The following MYRIP variants were observed in gnomAD, a reference collection of about 807,000 sequenced individuals.
MYRIP encodes myosin VIIA and Rab interacting protein.
Under a neutral mutation model 98.0 loss-of-function variants are expected in MYRIP, and 49 were observed. The observed-to-expected ratio is 0.50, with a 90% CI of 0.40 to 0.63. MYRIP has a LOEUF of 0.63. Among genes scored for constraint, MYRIP ranks in the 30% least tolerant of loss-of-function variants. MYRIP has a pLI of 0.00. For synonymous variants in MYRIP, 404 were observed against 409.5 expected (o/e 0.99, Z 0.16); for missense variants, 1,004 against 1,058.2 (o/e 0.95, Z 0.71).
At chr3:40,141,184 G>A (rs997935382) in intron 3 of MYRIP, among the ~76,000 whole-genome samples, 6 of 152,058 alleles carry the variant, frequency 3.9e-5, no homozygotes, top group African/African-American at 1.4e-4. Flanking sequence ...TTCTGTGCCT[G>A]ACTTATTTAC....
At position 40,158,715 on chromosome 3, in the gene MYRIP, T is replaced by A. The variant is rs543883351; in HGVS notation, c.470-4015T>A. 3.3e-5 allele frequency among the ~76,000 whole-genome samples: 5 copies of A among 152,148 alleles called. No individual in the cohort carries two copies. In the East Asian group the frequency reaches 9.7e-4, roughly 29 times the overall value. Reference sequence around the variant, plus strand: ...TGCATAGATATTTAGGATACTTAGCTCTTCTTGTTGAATTGATCCCTTTAC... The same window carrying A: ...TGCATAGATATTTAGGATACTTAGCACTTCTTGTTGAATTGATCCCTTTAC... On this transcript the variant is annotated intron_variant, in intron 4 of 16. Transcript: ENST00000302541.
Position 40,177,710 on chromosome 3 carries a change from T to C in MYRIP, c.874-4510T>C, listed in dbSNP as rs187328287. Among the ~76,000 whole-genome samples, 10 of 152,332 alleles carry C rather than the reference T, an allele frequency of 6.6e-5. No homozygotes were observed. The East Asian group carries it at 1.7e-3, about 27-fold the overall frequency. ...CTAGAAGGCACCAGTGTGGGTGTTA[T>C]AACTCATTTCATGCCTCTTTGGGTG... On this transcript the variant is annotated intron_variant, in intron 8 of 16. Transcript: ENST00000302541.
intron 3 of MYRIP, among the ~76,000 whole-genome samples, chr3:40,098,081 G>A (rs1467360497): frequency 7.2e-5 from 11 of 152,068 alleles, no homozygotes; most frequent in Non-Finnish European, 5.9e-5. Context: ...ATGGATTAGC[G>A]GGTTGGATGA....
chr3:40,010,101 G>A (rs1946728251), intron 2 of MYRIP, among the ~76,000 whole-genome samples: 2 of 152,202 alleles, frequency 1.3e-5, no homozygotes, highest in African/African-American at 2.4e-5. Flanking sequence ...AGCCAAGGTG[G>A]GAGCTGTATA....
At chr3:40,185,408 A>C (rs1043337788) in intron 9 of MYRIP, among the ~76,000 whole-genome samples, 3 of 152,196 alleles carry the variant, frequency 2.0e-5, no homozygotes, top group Non-Finnish European at 4.4e-5. Context: ...GGGATCACTC[A>C]GTGAGAGTTA....
chr3:40,123,582 CAG>C (rs1189284722), intron 3 of MYRIP, among the ~76,000 whole-genome samples: 1 of 152,216 alleles, frequency 6.6e-6, no homozygotes, highest in East Asian at 1.9e-4. Context: ...TCTGATGAGA[CAG>C]AGCACCCACA....
chr3:40,181,304 C>T (rs1013610007), intron 8 of MYRIP, among the ~76,000 whole-genome samples: 9 of 152,118 alleles, frequency 5.9e-5, no homozygotes, highest in Admixed American at 1.3e-4. Context: ...TCTGAAAGAG[C>T]TTGCCTTTGT....
intron 2 of MYRIP, among the ~76,000 whole-genome samples, chr3:39,999,241 C>A (rs1946451589): frequency 6.6e-6 from 1 of 152,194 alleles, no homozygotes; most frequent in Non-Finnish European, 1.5e-5. Flanking sequence ...GTGAACAGGC[C>A]ACCTACAGAA....
At chr3:39,978,387 G>A (rs2125755473) in intron 2 of MYRIP, among the ~76,000 whole-genome samples, 1 of 152,306 alleles carries the variant, frequency 6.6e-6, no homozygotes, top group Non-Finnish European at 1.5e-5. Context: ...CTGTGGACAT[G>A]AGCCATCTGT....
At chr3:39,853,772 A>G (rs991815013) in intron 1 of MYRIP, among the ~76,000 whole-genome samples, 1 of 151,368 alleles carries the variant, frequency 6.6e-6, no homozygotes, top group African/African-American at 2.4e-5. Context: ...GGATCCGTCT[A>G]TTTATTTTTG....
Position 40,117,002 on chromosome 3 carries a change from G to A in MYRIP, c.333-34046G>A, listed in dbSNP as rs773041969. Among the ~76,000 whole-genome samples the A allele has an allele frequency of 1.3e-3, 199 of 152,070 alleles. 2 individuals carry two copies. The highest frequency in any genetic ancestry group is 3.1e-3 in the Admixed American group (47 of 15,264). ...TTCTCTTGTGTGTTCTTTCCCTCCT[G>A]TCTCCGTCTCACAGTCTCACATGAG... On this transcript the variant is annotated intron_variant, in intron 3 of 16. Coordinates refer to ENST00000302541, the MANE Select transcript of MYRIP (RefSeq NM_015460.4).
At chr3:39,918,072 G>A (rs1424831228) in intron 2 of MYRIP, among the ~76,000 whole-genome samples, 3 of 151,848 alleles carry the variant, frequency 2.0e-5, no homozygotes, top group South Asian at 2.1e-4. Context: ...GACTACAGGC[G>A]CCCGCCACCA....
At chr3:40,060,781 C>T (rs956749576) in intron 3 of MYRIP, among the ~76,000 whole-genome samples, 18 of 151,882 alleles carry the variant, frequency 1.2e-4, no homozygotes, top group East Asian at 1.2e-3. Context: ...TTAGTAGAGA[C>T]GGGGTTTCAT....
At chr3:40,059,879 A>G (rs1947971870) in intron 3 of MYRIP, among the ~76,000 whole-genome samples, 1 of 152,224 alleles carries the variant, frequency 6.6e-6, no homozygotes, top group Non-Finnish European at 1.5e-5. Flanking sequence ...CTAAGAGGAT[A>G]TGAAAAAGTT....
At chr3:40,178,358 C>T (rs572161582) in intron 8 of MYRIP, among the ~76,000 whole-genome samples, 39 of 152,324 alleles carry the variant, frequency 2.6e-4, no homozygotes, top group African/African-American at 8.9e-4. Context: ...CCCAAAGCTT[C>T]GGGACCAGTT....
chr3:40,077,642 G>A (rs1470979588), intron 3 of MYRIP, among the ~76,000 whole-genome samples: 1 of 152,080 alleles, frequency 6.6e-6, no homozygotes, highest in East Asian at 1.9e-4. Flanking sequence ...TAGATACAGA[G>A]TGCCAACTGG....
intron 2 of MYRIP, among the ~76,000 whole-genome samples, chr3:39,959,756 A>C (rs969112833): frequency 4.6e-5 from 7 of 152,112 alleles, no homozygotes; most frequent in South Asian, 2.1e-4. Context: ...AGAAGAATGA[A>C]AGTTTTAAGT....
intron 3 of MYRIP, among the ~76,000 whole-genome samples, chr3:40,105,982 G>C (rs1327198732): frequency 6.6e-6 from 1 of 151,912 alleles, no homozygotes; most frequent in African/African-American, 2.4e-5. Context: ...AGTTACCAAG[G>C]GGAATGGTAC....
At chr3:39,987,327 C>A (rs375404746) in intron 2 of MYRIP, among the ~76,000 whole-genome samples, 1 of 152,160 alleles carries the variant, frequency 6.6e-6, no homozygotes, top group African/African-American at 2.4e-5. Flanking sequence ...TCCCTGCAAA[C>A]GACGTGATGT....
Sources: gnomAD v4.1 joint callset for allele counts (sites outside exome capture counted in the v4.1 genomes callset) on GRCh38, gnomAD v4.1.1 for gene constraint, MANE v1.5 for transcripts, NCBI Gene and HGNC (gene_info 2026-07-23, HGNC 2026-07-21) for gene names.